The following DPP6 variants were observed in gnomAD, a reference collection of about 807,000 sequenced individuals.
DPP6 encodes the protein A-type potassium channel modulatory protein DPP6.
In DPP6, 69 loss-of-function variants were observed where a neutral mutation model predicts 122.6. The observed-to-expected ratio is 0.56, with a 90% CI of 0.46 to 0.69. DPP6 has a LOEUF of 0.69. DPP6 is among the 30% of genes least tolerant of loss of function. The probability of loss-of-function intolerance (pLI) is 0.00; values close to 1 mark genes in which losing one functional copy is unlikely to be tolerated. For synonymous variants in DPP6, 418 were observed against 433.1 expected (o/e 0.97, Z 0.43); for missense variants, 928 against 1,116.9 (o/e 0.83, Z 2.41).
chr7:154,671,343 G>A (rs1311352405), intron 7 of DPP6, among the ~76,000 whole-genome samples: 1 of 152,206 alleles, frequency 6.6e-6, no homozygotes, highest in African/African-American at 2.4e-5. Context: ...CCACTACAGG[G>A]AGAAGGATGG....
At chr7:153,928,298 G>A (rs939342289) in intron 1 of DPP6, among the ~76,000 whole-genome samples, 26 of 149,482 alleles carry the variant, frequency 1.7e-4, no homozygotes, top group African/African-American at 1.5e-4. Context: ...TGCAACCTCC[G>A]TCTCCCAAGT....
chr7:154,540,176 C>T (rs887696999), intron 3 of DPP6, among the ~76,000 whole-genome samples: 7 of 152,170 alleles, frequency 4.6e-5, no homozygotes, highest in Non-Finnish European at 1.0e-4. Context: ...CAGATTTACT[C>T]CAAAGTTGGA....
chr7:154,169,721 A>T (rs2150726019), intron 1 of DPP6, among the ~76,000 whole-genome samples: 1 of 152,276 alleles, frequency 6.6e-6, no homozygotes, highest in South Asian at 2.1e-4. Context: ...GCTAATAAGT[A>T]AAAGAGCCAA....
chr7:154,575,442 G>GTGTGTATGTGTGTGTGGTA, intron 5 of DPP6, among the ~76,000 whole-genome samples: 1 of 104,746 alleles, frequency 9.5e-6, no homozygotes, highest in African/African-American at 4.2e-5. Context: ...TATGTGTGTG[G>GTGTGTATGTGTGTGTGGTA]TGTGTGTATG....
intron 1 of DPP6, among the ~76,000 whole-genome samples, chr7:154,141,412 T>C (rs1279118224): frequency 6.6e-6 from 1 of 152,220 alleles, no homozygotes; most frequent in African/African-American, 2.4e-5. Flanking sequence ...TCTGAGCTGC[T>C]GAAAACATCA....
At chr7:153,834,461 TTA>T in the DPP6 span, among the ~76,000 whole-genome samples, 1 of 151,922 alleles carries the variant, frequency 6.6e-6, no homozygotes, top group Non-Finnish European at 1.5e-5. Context: ...CTCAGTTCAT[TTA>T]TATGTAAAAT....
At chr7:154,396,121 A>T (rs1815064565) in intron 1 of DPP6, among the ~76,000 whole-genome samples, 1 of 152,184 alleles carries the variant, frequency 6.6e-6, no homozygotes, top group Non-Finnish European at 1.5e-5. Context: ...TCACTCAAAT[A>T]ATGGCACAAA....
At chr7:154,077,614 G>C (rs1384923131) in intron 1 of DPP6, among the ~76,000 whole-genome samples, 2 of 151,940 alleles carry the variant, frequency 1.3e-5, no homozygotes, top group East Asian at 3.9e-4. Context: ...TGCTTCCTAG[G>C]AGGTAGAATG....
intron 1 of DPP6, among the ~76,000 whole-genome samples, chr7:154,179,134 C>T (rs934265524): frequency 1.3e-5 from 2 of 152,212 alleles, no homozygotes; most frequent in Admixed American, 1.3e-4. Flanking sequence ...TCTGCATAAA[C>T]TCACAGGACT....
chr7:154,275,800 C>T (rs1804089945), intron 1 of DPP6, among the ~76,000 whole-genome samples: 1 of 152,202 alleles, frequency 6.6e-6, no homozygotes, highest in Non-Finnish European at 1.5e-5. Context: ...AGTGGTACAA[C>T]CTTAATGGCC....
intron 3 of DPP6, among the ~76,000 whole-genome samples, chr7:154,538,545 G>A (rs1312623940): frequency 1.3e-5 from 2 of 152,140 alleles, no homozygotes; most frequent in Admixed American, 1.3e-4. Context: ...TGGAACTCGT[G>A]AGGGGGTGTC....
At chr7:154,283,209 A>G (rs1563412987) in intron 1 of DPP6, among the ~76,000 whole-genome samples, 1 of 152,102 alleles carries the variant, frequency 6.6e-6, no homozygotes, top group Non-Finnish European at 1.5e-5. Context: ...CATTTGAGAG[A>G]CAGAAGCGAG....
chr7:154,144,265 CTCATTTAT>C (rs1189394662), intron 1 of DPP6, among the ~76,000 whole-genome samples: 47 of 151,476 alleles, frequency 3.1e-4, no homozygotes, highest in South Asian at 2.9e-3. Flanking sequence ...CATTAATTCA[CTCATTTAT>C]TCATTTATTC....
chr7:153,916,364 C>T (rs976955680), intron 1 of DPP6, among the ~76,000 whole-genome samples: 4 of 144,876 alleles, frequency 2.8e-5, no homozygotes, highest in African/African-American at 1.0e-4. Context: ...CTCCTGTCCC[C>T]TCCTATCTCC....
intron 1 of DPP6, among the ~76,000 whole-genome samples, chr7:154,274,809 A>AAGT (rs1405465337): frequency 1.3e-5 from 2 of 152,196 alleles, no homozygotes; most frequent in African/African-American, 2.4e-5. Flanking sequence ...GCAAGTTCTG[A>AAGT]AGTCACTGTT....
At chr7:154,263,630 C>A (rs1803176981) in intron 1 of DPP6, among the ~76,000 whole-genome samples, 1 of 152,150 alleles carries the variant, frequency 6.6e-6, no homozygotes, top group South Asian at 2.1e-4. Context: ...TTTGAGCCAG[C>A]CTCAGACCAA....
intron 1 of DPP6, among the ~76,000 whole-genome samples, chr7:154,383,178 G>A (rs879292521): frequency 1.3e-5 from 2 of 152,182 alleles, no homozygotes; most frequent in Non-Finnish European, 2.9e-5. Context: ...TTTCTGGCAA[G>A]GCCCAGGGTG....
At chr7:153,925,467 G>GA (rs1800850869) in intron 1 of DPP6, among the ~76,000 whole-genome samples, 1 of 151,544 alleles carries the variant, frequency 6.6e-6, no homozygotes, top group African/African-American at 2.4e-5. Flanking sequence ...TCTGATGAAG[G>GA]GATATCCTGC....
chr7:154,444,839 T>C (rs1819715425), intron 1 of DPP6, among the ~76,000 whole-genome samples: 1 of 152,244 alleles, frequency 6.6e-6, no homozygotes, highest in African/African-American at 2.4e-5. Flanking sequence ...GAAATGAGAT[T>C]GAATCAGTGT....
Sources: gnomAD v4.1 joint callset for allele counts (sites outside exome capture counted in the v4.1 genomes callset) on GRCh38, gnomAD v4.1.1 for gene constraint, MANE v1.5 for transcripts, NCBI Gene and HGNC (gene_info 2026-07-23, HGNC 2026-07-21) for gene names.